EPG5: variants seen among roughly 807,000 people sequenced by gnomAD.
The protein encoded by EPG5 is ectopic P-granules 5 autophagy tethering factor.
A neutral mutation model predicts 302.7 loss-of-function variants in EPG5; 159 were observed. The ratio of observed to expected loss-of-function variants is 0.53; its 90% CI spans 0.46 to 0.60. The LOEUF is 0.60. Among genes scored for constraint, EPG5 ranks in the 20% least tolerant of loss-of-function variants. EPG5 has a pLI of 0.00. For missense variants in EPG5, 2,896 were observed against 3,092.4 expected (o/e 0.94, Z 1.51); for synonymous variants, 1,158 against 1,136.8 (o/e 1.02, Z -0.37).
In EPG5 at chr18:45,867,040, G is replaced by C. The variant is rs781205029; in HGVS notation, c.6412-33C>G. 3.2e-6 allele frequency: 5 copies of C among 1,557,870 alleles called. No homozygotes were observed. The East Asian group carries it at 1.1e-4, about 35-fold the overall frequency. On this transcript the variant is annotated intron_variant, in intron 37 of 43. Transcript: ENST00000282041. ...TAAAACACATATTCCTTTAGTTCCA[G>C]AGCCCCAATTTTTCCAGAAATATGT...
At chr18:45,915,677 G>A in intron 19 of EPG5, 56 bp from the exon 20 acceptor site, 1 of 1,326,404 alleles carries the variant, frequency 7.5e-7, no homozygotes, top group Non-Finnish European at 1.1e-6. Flanking sequence ...TCTTATCAAT[G>A]ACCTTTACAA....
At chr18:45,957,097 G>C (rs564013492) in intron 1 of EPG5, among the ~76,000 whole-genome samples, 4 of 152,114 alleles carry the variant, frequency 2.6e-5, no homozygotes, top group African/African-American at 7.2e-5. Context: ...AGGCAAACAT[G>C]AGTTATACAA....
Position 45,857,889 on chromosome 18 carries a change from G to A in EPG5, c.7406C>T (p.Ala2469Val). Reference protein sequence around the residue: ...EERLSSGILGAIGFGRKSPLS... With the variant: ...EERLSSGILGVIGFGRKSPLS... Reference sequence around the variant, plus strand: ...AGGCGACTTCCGGCCAAACCCAATTGCCCCCAGGATCCCAGAGCTGAGTCT... The same window carrying A: ...AGGCGACTTCCGGCCAAACCCAATTACCCCCAGGATCCCAGAGCTGAGTCT... Residue 2469 changes from alanine (A) to valine (V), a missense_variant, in exon 42 of 44, where the codon GCA becomes GTA. Coordinates refer to ENST00000282041, the MANE Select transcript of EPG5 (RefSeq NM_020964.3). 1 of 1,612,284 alleles carries A rather than the reference G, an allele frequency of 6.2e-7. No homozygotes were observed. Among genetic ancestry groups the A allele is most frequent in the Middle Eastern group, 2.2e-4 (1 of 4,644 alleles).
intron 28 of EPG5, among the ~76,000 whole-genome samples, chr18:45,889,144 G>A (rs184313086): frequency 6.6e-6 from 1 of 152,264 alleles, no homozygotes; most frequent in Admixed American, 6.5e-5. Flanking sequence ...CTACTCTACT[G>A]AGGGGATCAG....
At chr18:45,842,442 T>TGTGTGAGAGAGAGA in the EPG5 span, 2 of 308,678 alleles carry the variant, frequency 6.5e-6, no homozygotes, top group African/African-American at 4.3e-5. Context: ...TGTGTGTGTG[T>TGTGTGAGAGAGAGA]GAGAGAGAGA....
At chr18:45,897,330 C>A (rs1447954963) in intron 27 of EPG5, among the ~76,000 whole-genome samples, 3 of 152,156 alleles carry the variant, frequency 2.0e-5, no homozygotes, top group Non-Finnish European at 4.4e-5. Flanking sequence ...TTTTAGAATT[C>A]TCTTCTCTAT....
chr18:45,837,212 C>A, the EPG5 span: 1 of 1,441,018 alleles, frequency 6.9e-7, no homozygotes. Flanking sequence ...AATATGGGGT[C>A]AAGGGGCCTG....
chr18:45,904,269 G>T lies in EPG5; in HGVS notation c.4330-152C>A, dbSNP rs537611200. The T allele has an allele frequency of 4.0e-5, 36 of 893,254 alleles. No homozygotes were observed. In the African/African-American group the frequency reaches 6.1e-4, roughly 15 times the overall value. 55.3% of individuals were successfully genotyped at this position (893,254 alleles called of 1,614,324 possible). On this transcript the variant is annotated intron_variant, in intron 24 of 43. Transcript: ENST00000282041. ...CATTAGGATAAATTGCCATTAAAAT[G>T]ACCACTCTAACAATCCCTGCAGTAG...
chr18:45,815,316 G>A, the EPG5 span, among the ~76,000 whole-genome samples: 1 of 151,858 alleles, frequency 6.6e-6, no homozygotes, highest in East Asian at 1.9e-4. Context: ...CTGGGTGGAG[G>A]GCTTGGAGAA....
intron 1 of EPG5, among the ~76,000 whole-genome samples, chr18:45,961,880 T>TC (rs2051156885): frequency 6.7e-6 from 1 of 149,816 alleles, no homozygotes; most frequent in Non-Finnish European, 1.5e-5. Context: ...AAAAAAACTA[T>TC]CCAGACCACC....
At position 45,852,277 on chromosome 18, in the gene EPG5, G is replaced by A; in HGVS notation, c.*190C>T. ...GTCCCCAGAAGGTCTTAAGAGCTAA[G>A]AAAACACACACACACACACACACAC... On this transcript the variant is annotated 3_prime_UTR_variant, in exon 44 of 44. Transcript: ENST00000282041. 2.0e-6 allele frequency: 1 copy of A among 499,446 alleles called. No homozygotes were observed. Among genetic ancestry groups the A allele is most frequent in the East Asian group, 3.2e-5 (1 of 31,232 alleles). 30.9% of individuals were successfully genotyped at this position (499,446 alleles called of 1,614,324 possible). A position where few individuals can be genotyped will look rare whatever the true frequency, so the allele number is the denominator to read the frequency against.
chr18:45,889,085 C>G (rs972389463), intron 28 of EPG5, among the ~76,000 whole-genome samples: 1 of 152,166 alleles, frequency 6.6e-6, no homozygotes, highest in African/African-American at 2.4e-5. Context: ...TTCCCAGGAG[C>G]CCCAGCCCAA....
At chr18:45,860,037 T>C (rs1414383776) in intron 40 of EPG5, 67 bp downstream of exon 40, 3 of 1,579,606 alleles carry the variant, frequency 1.9e-6, no homozygotes, top group Non-Finnish European at 2.6e-6. Context: ...ACATATCTGC[T>C]GATGACAATG....
At chr18:45,856,594 G>A (rs1027230497) in intron 42 of EPG5, among the ~76,000 whole-genome samples, 12 of 152,260 alleles carry the variant, frequency 7.9e-5, no homozygotes, top group Admixed American at 5.2e-4. Context: ...AATAAAAGAC[G>A]CAAGCCAAAT....
chr18:45,878,969 A>G (rs2049029497), intron 33 of EPG5, 44 bp downstream of exon 33: 1 of 1,506,004 alleles, frequency 6.6e-7, no homozygotes, highest in South Asian at 1.1e-5. Flanking sequence ...CTCTTAATGG[A>G]AAGTCCAAAC....
At position 45,889,753 on chromosome 18, in the gene EPG5, T is replaced by C. The variant is rs190438494; in HGVS notation, c.4952+45A>G. 3.2e-6 allele frequency: 5 copies of C among 1,561,528 alleles called. No individual in the cohort carries two copies. The Admixed American group carries it at 7.2e-5, about 22-fold the overall frequency. On this transcript the variant is annotated intron_variant, in intron 28 of 43. Coordinates refer to ENST00000282041, the MANE Select transcript of EPG5 (RefSeq NM_020964.3). ...TAGTAGCATGTATGATTACTATTCA[T>C]GATAACAAAACAGTATTTCAAATTA...
In EPG5 at chr18:45,867,699, A is replaced by G. The variant is rs1568104317; in HGVS notation, c.6275T>C (p.Leu2092Pro). The G allele has an allele frequency of 3.1e-6, 5 of 1,611,320 alleles. No individual in the cohort carries two copies. Among genetic ancestry groups the G allele is most frequent in the Non-Finnish European group, 4.2e-6 (5 of 1,179,116 alleles). Residue 2092 changes from leucine to proline, a missense_variant, in exon 37 of 44, where the codon CTC becomes CCC. By Grantham distance (98) the Leu-to-Pro change is moderately conservative. Around this residue, in one of 5 missense-constraint regions of EPG5, gnomAD observed 620 missense variants for 704.2 expected, o/e 0.88. Coordinates refer to ENST00000282041, the MANE Select transcript of EPG5 (RefSeq NM_020964.3). ...CACACTAACCCAGTTGACTTCACAGAGTACAGACCCCAAAAATAAGAAACA... is the reference window on the plus strand; with the variant it reads ...CACACTAACCCAGTTGACTTCACAGGGTACAGACCCCAAAAATAAGAAACA... ...KSCFLFLGSV[L>P]CEVNWVSVLS... is the part of the protein sequence containing the mutation.
At chr18:45,882,584 T>C in intron 30 of EPG5, 97 bp from the exon 31 acceptor site, 2 of 839,212 alleles carry the variant, frequency 2.4e-6, no homozygotes, top group Non-Finnish European at 3.6e-6. Flanking sequence ...AAGCCAAAAA[T>C]TACCCAGCAT....
chr18:45,837,974 C>T, the EPG5 span: 2 of 1,395,706 alleles, frequency 1.4e-6, no homozygotes, highest in East Asian at 3.0e-5. Context: ...TACGTGGGTG[C>T]CAGGCGCTGT....
Sources: allele counts gnomAD v4.1 joint callset (sites outside exome capture counted in the v4.1 genomes callset), GRCh38; gene constraint gnomAD v4.1.1; regional missense constraint gnomAD v4.1.1; transcripts MANE v1.5; gene names NCBI Gene and HGNC (gene_info 2026-07-23, HGNC 2026-07-21).